Variants in TRA2B observed in about 807,000 individuals in gnomAD.
TRA2B encodes transformer 2 beta homolog, also known as transformer-2 protein homolog beta.
In TRA2B, 14 loss-of-function variants were observed where a neutral mutation model predicts 41.7. That is an observed-to-expected ratio of 0.34 (90% CI 0.22 to 0.53). The LOEUF (loss-of-function observed/expected upper bound fraction) is 0.53, where lower values mean the gene tolerates loss of function less well. Among genes scored for constraint, TRA2B ranks in the 20% least tolerant of loss-of-function variants. The probability of loss-of-function intolerance (pLI) is 0.95; values close to 1 mark genes in which losing one functional copy is unlikely to be tolerated. For synonymous variants in TRA2B, 130 were observed against 128.8 expected, an observed-to-expected ratio of 1.01 and a Z score of -0.06; for missense variants, 167 against 396.8, an observed-to-expected ratio of 0.42 and a Z score of 4.92.
At chr3:185,918,494 A>G in intron 7 of TRA2B, 56 bp from the exon 8 acceptor site, 2 of 1,270,110 alleles carry the variant, frequency 1.6e-6, no homozygotes, top group Admixed American at 3.6e-5. Context: ...TAGACCAAAC[A>G]TATAAATTTA....
intron 1 of TRA2B, among the ~76,000 whole-genome samples, chr3:185,930,703 G>A (rs1233524967): frequency 6.6e-6 from 1 of 152,170 alleles, no homozygotes; most frequent in Non-Finnish European, 1.5e-5. Context: ...ACACAGAAAA[G>A]AAGGGACAGC....
intron 6 of TRA2B, 150 bp from the exon 7 acceptor site, chr3:185,919,646 C>T (rs1275206736): frequency 1.6e-6 from 1 of 618,192 alleles, no homozygotes; most frequent in African/African-American, 1.9e-5. Context: ...TAGAAACTGG[C>T]ATAGGGTTCT....
chr3:185,927,001 A>C, intron 1 of TRA2B: 1 of 373,190 alleles, frequency 2.7e-6, no homozygotes, highest in Non-Finnish European at 5.1e-6. Context: ...TGCCAAAGTC[A>C]AGCAGTTAAG....
At chr3:185,935,826 A>C in intron 1 of TRA2B, 2 of 985,380 alleles carry the variant, frequency 2.0e-6, no homozygotes, top group Non-Finnish European at 2.4e-6. Flanking sequence ...AACACCAAAC[A>C]CAACAATATG....
intron 1 of TRA2B, among the ~76,000 whole-genome samples, chr3:185,933,951 C>CAA (rs750929109): frequency 2.0e-5 from 3 of 152,090 alleles, no homozygotes; most frequent in Non-Finnish European, 4.4e-5. Flanking sequence ...TGTCAGGTAA[C>CAA]AATCTATGTT....
In TRA2B at chr3:185,937,949, G is replaced by T. The variant is rs1423766346; in HGVS notation, c.-89C>A. On this transcript the variant is annotated 5_prime_UTR_variant, in exon 1 of 9. Transcript: ENST00000453386. ...CTTAAGGAGGCTCCGCCGCAGCCCCGCACGACGCGCCGGTCGCCCAGCCGC... is the reference window on the plus strand; with the variant it reads ...CTTAAGGAGGCTCCGCCGCAGCCCCTCACGACGCGCCGGTCGCCCAGCCGC... 1 of 1,520,140 alleles carries T rather than the reference G, an allele frequency of 6.6e-7. No homozygotes were observed. Among genetic ancestry groups the T allele is most frequent in the East Asian group, 2.3e-5 (1 of 42,818 alleles). The allele number at this position is 1,520,140 out of a possible 1,614,324, so 94.2% of individuals were successfully genotyped here.
chr3:185,919,871 A>G (rs1390398021), intron 6 of TRA2B, among the ~76,000 whole-genome samples: 1 of 152,218 alleles, frequency 6.6e-6, no homozygotes, highest in African/African-American at 2.4e-5. Context: ...ACAATGACTG[A>G]CAACTGTTAA....
At chr3:185,934,114 C>T (rs1433469010) in intron 1 of TRA2B, among the ~76,000 whole-genome samples, 1 of 152,098 alleles carries the variant, frequency 6.6e-6, no homozygotes, top group Non-Finnish European at 1.5e-5. Flanking sequence ...TTCTACATAG[C>T]CCACACCCCC....
At chr3:185,922,957 G>A (rs1743796873) in intron 4 of TRA2B, 2 of 152,168 alleles carry the variant, frequency 1.3e-5, no homozygotes, top group Admixed American at 1.3e-4. Flanking sequence ...TATTTTCCGA[G>A]AGCTATGATC....
chr3:185,917,853 AAT>A, intron 8 of TRA2B, 128 bp from the exon 9 acceptor site: 1 of 844,980 alleles, frequency 1.2e-6, no homozygotes, highest in Non-Finnish European at 1.9e-6. Context: ...ACCACCCCCA[AAT>A]AGAGAAAGAC....
At chr3:185,936,122 T>C in intron 1 of TRA2B, 1 of 985,438 alleles carries the variant, frequency 1.0e-6, no homozygotes, top group Non-Finnish European at 1.2e-6. Context: ...ATTCTTCACG[T>C]GTATTCAATC....
chr3:185,932,309 A>T (rs1744180617), intron 1 of TRA2B, among the ~76,000 whole-genome samples: 1 of 152,198 alleles, frequency 6.6e-6, no homozygotes, highest in Non-Finnish European at 1.5e-5. Flanking sequence ...CAGTATTGTG[A>T]CTTGTCTAGA....
At chr3:185,921,052 TCTGTACA>T in intron 6 of TRA2B, 45 bp downstream of exon 6, 1 of 1,516,046 alleles carries the variant, frequency 6.6e-7, no homozygotes, top group Non-Finnish European at 9.2e-7. Flanking sequence ...ATAGTGCTGC[TCTGTACA>T]CTGTACTGAG....
intron 4 of TRA2B, 168 bp downstream of exon 4, chr3:185,923,628 T>C (rs1487127085): frequency 3.7e-6 from 2 of 540,826 alleles, no homozygotes; most frequent in Non-Finnish European, 6.0e-6. Flanking sequence ...TTCCCCAAGT[T>C]ATACAAAATT....
intron 1 of TRA2B, 68 bp downstream of exon 1, chr3:185,937,757 C>G: frequency 6.2e-7 from 1 of 1,608,618 alleles, no homozygotes; most frequent in Non-Finnish European, 8.5e-7. Context: ...GGCCCGAGGC[C>G]GACGGGCCTA....
chr3:185,926,547 G>A lies in TRA2B; in HGVS notation c.170+54C>T, dbSNP rs948208876. ...TCTACCTTCCTGGTTTACAAAACAC[G>A]CACCAATTTCAGAGCTAAGAGTAAC... is the stretch of plus-strand genomic sequence containing the variant. On this transcript the variant is annotated intron_variant, in intron 2 of 8. Coordinates refer to ENST00000453386, the MANE Select transcript of TRA2B (RefSeq NM_004593.3). 223 of 1,602,788 alleles carry A rather than the reference G, an allele frequency of 1.4e-4. No homozygotes were observed. In the South Asian group the frequency reaches 2.3e-3, roughly 17 times the overall value.
intron 1 of TRA2B, chr3:185,935,182 C>G: frequency 2.0e-6 from 2 of 985,400 alleles, no homozygotes; most frequent in African/African-American, 1.7e-5. Context: ...AGAAATGGTG[C>G]TAGTCAACCC....
In TRA2B at chr3:185,917,430, G is replaced by T. The variant is rs962437811; in HGVS notation, c.*285C>A. The T allele has an allele frequency of 5.0e-6, 2 of 403,702 alleles. No homozygotes were observed. Among genetic ancestry groups the T allele is most frequent in the Non-Finnish European group, 8.9e-6 (2 of 224,150 alleles). The allele number at this position is 403,702 out of a possible 1,614,324, so 25.0% of individuals were successfully genotyped here. ...GATTCAGTAGAAAAACCTTTTAAAT[G>T]AAGTTTTGTACAATAGAAACTTCTC... On this transcript the variant is annotated 3_prime_UTR_variant, in exon 9 of 9. Transcript: ENST00000453386.
intron 1 of TRA2B, chr3:185,934,612 C>CT (rs1744277509): frequency 2.0e-6 from 2 of 985,256 alleles, no homozygotes; most frequent in South Asian, 4.7e-5. Flanking sequence ...CAATTCAATC[C>CT]TTTTTTAAAG....
Sources: allele counts gnomAD v4.1 joint callset (sites outside exome capture counted in the v4.1 genomes callset), GRCh38; gene constraint gnomAD v4.1.1; transcripts MANE v1.5; gene names NCBI Gene and HGNC (gene_info 2026-07-23, HGNC 2026-07-21).